The following ARMC9 variants were observed in gnomAD, a reference collection of about 807,000 sequenced individuals.
ARMC9 encodes armadillo repeat containing 9, also known as lisH domain-containing protein ARMC9.
A neutral mutation model predicts 107.0 loss-of-function variants in ARMC9; 94 were observed. The ratio of observed to expected loss-of-function variants is 0.88; its 90% CI spans 0.74 to 1.04. The LOEUF (loss-of-function observed/expected upper bound fraction) is 1.04, where lower values mean the gene tolerates loss of function less well. Ranked by LOEUF, ARMC9 falls within the 50% of genes least tolerant of loss-of-function variation. The probability of loss-of-function intolerance (pLI) is 0.00; values close to 1 mark genes in which losing one functional copy is unlikely to be tolerated. For missense variants in ARMC9, 942 were observed against 1,030.1 expected (o/e 0.91, Z 1.17); for synonymous variants, 380 against 396.9 (o/e 0.96, Z 0.51).
chr2:231,329,129 T>C (rs531465590), intron 19 of ARMC9, among the ~76,000 whole-genome samples: 1 of 151,440 alleles, frequency 6.6e-6, no homozygotes, highest in South Asian at 2.1e-4. Flanking sequence ...CCAACGTGTT[T>C]AATTTTCTTT....
chr2:231,244,024 A>G (rs1372942938), intron 9 of ARMC9, among the ~76,000 whole-genome samples: 1 of 152,196 alleles, frequency 6.6e-6, no homozygotes, highest in Non-Finnish European at 1.5e-5. Context: ...CGTCCTTCAT[A>G]GAGCGGTCTT....
At position 231,324,334 on chromosome 2, in the gene ARMC9, G is replaced by A. The variant is rs183707933; in HGVS notation, c.1774-7459G>A. Among the ~76,000 whole-genome samples the A allele has an allele frequency of 6.0e-5, 9 of 151,204 alleles. No homozygotes were observed. In the East Asian group the frequency reaches 8.0e-4, roughly 13 times the overall value. On this transcript the variant is annotated intron_variant, in intron 19 of 24. Coordinates refer to ENST00000611582, the MANE Select transcript of ARMC9 (RefSeq NM_001352754.2). The stretch of plus-strand genomic sequence containing the variant: ...GTAAAGACGGGGTTTCACCATATTG[G>A]CCAGGCTGGTCTTGAACGCCTGACC...
chr2:231,264,849 A>G (rs557433777), intron 12 of ARMC9, among the ~76,000 whole-genome samples: 5 of 151,934 alleles, frequency 3.3e-5, no homozygotes, highest in Admixed American at 6.5e-5. Flanking sequence ...GCTCATGCCT[A>G]TAATTGCAGC....
In ARMC9 at chr2:231,376,417, G is replaced by GC. The variant is rs1331937750; in HGVS notation, c.*4888dup. Among the ~76,000 whole-genome samples, 3 of 152,078 alleles carry GC rather than the reference G, an allele frequency of 2.0e-5. No homozygotes were observed. The highest frequency in any genetic ancestry group is 2.9e-5 in the Non-Finnish European group (2 of 68,004). ...CACCTGGGGGTGGGTCTCTGAACTGGCCCCCCTCCCCCGGGGGCGTGGTCG... is the reference window on the plus strand; with the variant it reads ...CACCTGGGGGTGGGTCTCTGAACTGGCCCCCCCTCCCCCGGGGGCGTGGTCG... On this transcript the variant is annotated 3_prime_UTR_variant, in exon 25 of 25. Transcript: ENST00000611582.
At chr2:231,228,164 G>A (rs2034839003) in intron 7 of ARMC9, among the ~76,000 whole-genome samples, 2 of 152,218 alleles carry the variant, frequency 1.3e-5, no homozygotes, top group African/African-American at 4.8e-5. Context: ...ATCTTCAACT[G>A]GACTGGGACT....
chr2:231,215,507 A>G (rs1421384079), intron 4 of ARMC9, among the ~76,000 whole-genome samples: 4 of 152,196 alleles, frequency 2.6e-5, no homozygotes, highest in Non-Finnish European at 5.9e-5. Flanking sequence ...ATTTAAACTT[A>G]GGTAGTGGAA....
At chr2:231,336,718 G>A (rs1013620377) in intron 20 of ARMC9, among the ~76,000 whole-genome samples, 2 of 152,232 alleles carry the variant, frequency 1.3e-5, no homozygotes, top group Admixed American at 6.5e-5. Flanking sequence ...TAAAGTGCAG[G>A]TTCCTGGCCC....
chr2:231,302,509 G>A (rs1449795031), intron 19 of ARMC9, among the ~76,000 whole-genome samples: 1 of 140,220 alleles, frequency 7.1e-6, no homozygotes, highest in Non-Finnish European at 1.5e-5. Context: ...TTTGATCTGG[G>A]CTGTATCTGT....
intron 5 of ARMC9, among the ~76,000 whole-genome samples, chr2:231,217,273 G>A (rs931474548): frequency 3.3e-5 from 5 of 152,210 alleles, no homozygotes; most frequent in Admixed American, 3.3e-4. Context: ...AGGCATATGT[G>A]TACCAGTGTT....
intron 17 of ARMC9, among the ~76,000 whole-genome samples, chr2:231,284,589 C>T (rs1017607712): frequency 3.9e-5 from 6 of 152,214 alleles, no homozygotes; most frequent in African/African-American, 1.2e-4. Flanking sequence ...TGGCAGTTGG[C>T]TTCCCCTAGA....
In ARMC9 at chr2:231,222,742, A is replaced by C. The variant is rs2034269406; in HGVS notation, c.519A>C (p.Pro173=). The C allele has an allele frequency of 1.9e-6, 3 of 1,564,970 alleles. No individual in the cohort carries two copies. Among genetic ancestry groups the C allele is most frequent in the Non-Finnish European group, 2.6e-6 (3 of 1,139,470 alleles). ...TTTTTCTTTAGGATTCCTGGACTCC[A>C]GAGTTAAAGTTGAAGTTGATAAAGT... is the stretch of plus-strand genomic sequence containing the variant. ...FKELFQDSWT[P]ELKLKLIKFL... Residue 173 remains proline, a synonymous_variant, in exon 6 of 25, where the codon CCA becomes CCC. Transcript: ENST00000611582.
intron 8 of ARMC9, among the ~76,000 whole-genome samples, chr2:231,236,359 C>T (rs527546276): frequency 2.4e-4 from 37 of 152,222 alleles, no homozygotes; most frequent in African/African-American, 8.9e-4. Flanking sequence ...AGTACATTGG[C>T]TATGGCCTAT....
intron 19 of ARMC9, among the ~76,000 whole-genome samples, chr2:231,303,877 A>G (rs2041899665): frequency 6.6e-6 from 1 of 152,192 alleles, no homozygotes; most frequent in African/African-American, 2.4e-5. Context: ...TGGAGGTTGC[A>G]GTGAGCCGAG....
At position 231,216,855 on chromosome 2, in the gene ARMC9, T is replaced by A. The variant is rs925559767; in HGVS notation, c.504+62T>A. Reference sequence around the variant, plus strand: ...GGTGACATTGTGGTTTTACCTTCTGTATGCTGGGGGCTTCTGAATGATGCT... The same window carrying A: ...GGTGACATTGTGGTTTTACCTTCTGAATGCTGGGGGCTTCTGAATGATGCT... On this transcript the variant is annotated intron_variant, in intron 5 of 24. Transcript: ENST00000611582. 8.5e-6 allele frequency: 13 copies of A among 1,523,352 alleles called. No individual in the cohort carries two copies. In the Admixed American group the frequency reaches 1.5e-4, roughly 18 times the overall value. 94.4% of individuals were successfully genotyped at this position (1,523,352 alleles called of 1,614,324 possible).
intron 16 of ARMC9, among the ~76,000 whole-genome samples, chr2:231,278,781 A>G (rs910058505): frequency 2.6e-5 from 4 of 152,146 alleles, no homozygotes; most frequent in Non-Finnish European, 5.9e-5. Context: ...TGTTTAATGT[A>G]TCTCTGTGGA....
At chr2:231,301,678 T>A (rs537675852) in intron 19 of ARMC9, among the ~76,000 whole-genome samples, 1 of 152,206 alleles carries the variant, frequency 6.6e-6, no homozygotes, top group Non-Finnish European at 1.5e-5. Flanking sequence ...TTTTAAAATT[T>A]TTTTTAAGTT....
intron 20 of ARMC9, among the ~76,000 whole-genome samples, chr2:231,333,649 T>C (rs2043890313): frequency 6.6e-6 from 1 of 152,132 alleles, no homozygotes; most frequent in African/African-American, 2.4e-5. Context: ...CTCCGTGTGA[T>C]TGGTTTCACA....
At position 231,247,042 on chromosome 2, in the gene ARMC9, G is replaced by A. The variant is rs373776403; in HGVS notation, c.879+7001G>A. Among the ~76,000 whole-genome samples, 7 of 151,528 alleles carry A rather than the reference G, an allele frequency of 4.6e-5. No individual in the cohort carries two copies. The East Asian group carries it at 5.8e-4, about 13-fold the overall frequency. ...ACGGTCTTGGCTCACTGCCAGCTCCGCCTCCCGGGTTCATGCCATTCTCCT... is the reference window on the plus strand; with the variant it reads ...ACGGTCTTGGCTCACTGCCAGCTCCACCTCCCGGGTTCATGCCATTCTCCT... On this transcript the variant is annotated intron_variant, in intron 9 of 24. Coordinates refer to ENST00000611582, the MANE Select transcript of ARMC9 (RefSeq NM_001352754.2).
intron 19 of ARMC9, among the ~76,000 whole-genome samples, chr2:231,314,260 G>A (rs1559448935): frequency 6.6e-6 from 1 of 151,784 alleles, no homozygotes; most frequent in Non-Finnish European, 1.5e-5. Flanking sequence ...TGTGTTTTTA[G>A]TAGAGATGGG....
Sources: gnomAD v4.1 joint callset for allele counts (sites outside exome capture counted in the v4.1 genomes callset) on GRCh38, gnomAD v4.1.1 for gene constraint, MANE v1.5 for transcripts, NCBI Gene and HGNC (gene_info 2026-07-23, HGNC 2026-07-21) for gene names.